PCDH11Y: variants seen among roughly 807,000 people sequenced by gnomAD.
PCDH11Y encodes the protein protocadherin-11 Y-linked.
For synonymous variants in PCDH11Y, 9 were observed against 83.6 expected (o/e 0.11, Z 4.87); for missense variants, 12 against 224.8 (o/e 0.05, Z 6.05).
intron 2 of PCDH11Y, among the ~76,000 whole-genome samples, chrY:5,333,525 G>A (rs2053133268): frequency 1.2e-4 from 4 of 33,346 alleles, no homozygotes; most frequent in East Asian, 1.6e-3. Context: ...ACTCAGAGCC[G>A]GCTGTGTGGG....
chrY:5,481,269 C>T (rs2053325495), intron 2 of PCDH11Y, among the ~76,000 whole-genome samples: 2 of 32,900 alleles, frequency 6.1e-5, no homozygotes, highest in Non-Finnish European at 1.5e-4. Flanking sequence ...CTCATGGCTT[C>T]CCTTGGCTAG....
intron 4 of PCDH11Y, among the ~76,000 whole-genome samples, chrY:5,733,315 T>G: frequency 3.0e-5 from 1 of 33,647 alleles, no homozygotes; most frequent in Non-Finnish European, 7.4e-5. Context: ...TTTCTTTTGT[T>G]TTTTATTTCA....
At chrY:5,460,827 A>T in intron 2 of PCDH11Y, among the ~76,000 whole-genome samples, 1 of 33,496 alleles carries the variant, frequency 3.0e-5, no homozygotes, top group Admixed American at 2.7e-4. Context: ...CTTGACGTTC[A>T]ATAATTCATT....
At chrY:5,603,855 AAAAGAAAGAAAGAAAGAAAG>A (rs377255803) in intron 4 of PCDH11Y, among the ~76,000 whole-genome samples, 69 of 9,106 alleles carry the variant, frequency 7.6e-3, no homozygotes, top group Non-Finnish European at 0.012. Flanking sequence ...GAAAGAAAGA[AAAAGAAAGAAAGAAAGAAAG>A]AAAGAAAGAA....
At chrY:5,604,645 C>A in intron 4 of PCDH11Y, among the ~76,000 whole-genome samples, 1 of 31,770 alleles carries the variant, frequency 3.1e-5, no homozygotes, top group Middle Eastern at 0.014. Flanking sequence ...TTTTTGTACA[C>A]CTCTGCGTAG....
intron 2 of PCDH11Y, among the ~76,000 whole-genome samples, chrY:5,433,466 G>T: frequency 3.0e-5 from 1 of 33,196 alleles, no homozygotes; most frequent in East Asian, 7.9e-4. Flanking sequence ...TTTAATTTTT[G>T]ATTTTTCAAG....
chrY:5,449,871 A>G, intron 2 of PCDH11Y, among the ~76,000 whole-genome samples: 1 of 33,758 alleles, frequency 3.0e-5, no homozygotes, highest in African/African-American at 1.1e-4. Flanking sequence ...TAAAGCTAAG[A>G]CTATACTACA....
At chrY:5,058,551 C>G in intron 1 of PCDH11Y, among the ~76,000 whole-genome samples, 2 of 28,018 alleles carry the variant, frequency 7.1e-5, no homozygotes, top group Non-Finnish European at 1.7e-4. Flanking sequence ...AAGGTTTTGA[C>G]CTGGAGGATA....
At chrY:5,629,734 G>A (rs1602954158) in intron 4 of PCDH11Y, among the ~76,000 whole-genome samples, 2 of 33,751 alleles carry the variant, frequency 5.9e-5, no homozygotes, top group Non-Finnish European at 1.5e-4. Context: ...AAATTATCCC[G>A]AAGAGACCTT....
chrY:5,727,927 C>T, intron 4 of PCDH11Y, among the ~76,000 whole-genome samples: 4 of 32,591 alleles, frequency 1.2e-4, no homozygotes, highest in Non-Finnish European at 2.3e-4. Context: ...TGCTAGTCAA[C>T]ATTACCTGAA....
At chrY:5,267,120 A>G in intron 2 of PCDH11Y, among the ~76,000 whole-genome samples, 1 of 28,166 alleles carries the variant, frequency 3.6e-5, no homozygotes, top group East Asian at 9.4e-4. Context: ...ACATTTAGCT[A>G]TTTATTGGCT....
chrY:5,613,996 A>T, intron 4 of PCDH11Y, among the ~76,000 whole-genome samples: 1 of 19,605 alleles, frequency 5.1e-5, no homozygotes, highest in Non-Finnish European at 1.1e-4. Flanking sequence ...TGAATAGTTC[A>T]CCAGTATTTG....
chrY:5,598,659 T>C, intron 4 of PCDH11Y, among the ~76,000 whole-genome samples: 2 of 33,355 alleles, frequency 6.0e-5, no homozygotes, highest in African/African-American at 1.2e-4. Flanking sequence ...CTTTAAGATA[T>C]AGCCTTGCAT....
At chrY:5,132,566 C>G in intron 2 of PCDH11Y, among the ~76,000 whole-genome samples, 1 of 33,135 alleles carries the variant, frequency 3.0e-5, no homozygotes, top group Non-Finnish European at 7.5e-5. Flanking sequence ...TTCACAAAAA[C>G]AAAAAAGACC....
At chrY:5,338,819 G>A in intron 2 of PCDH11Y, 2 of 256,437 alleles carry the variant, frequency 7.8e-6, no homozygotes, top group Admixed American at 1.5e-4. Context: ...AAAACCATAG[G>A]CATAGATGTC....
chrY:5,046,402 G>A (rs1602848829), intron 3 of PCDH11Y, among the ~76,000 whole-genome samples: 2 of 33,401 alleles, frequency 6.0e-5, no homozygotes, highest in Admixed American at 2.7e-4. Context: ...CTGCTGGGGG[G>A]TGCCTCCCAG....
At chrY:5,296,379 T>G in intron 2 of PCDH11Y, among the ~76,000 whole-genome samples, 1 of 33,499 alleles carries the variant, frequency 3.0e-5, no homozygotes. Flanking sequence ...CTGAGCTGTC[T>G]GCAACTGGGG....
At chrY:5,498,642 C>A in intron 2 of PCDH11Y, among the ~76,000 whole-genome samples, 1 of 33,412 alleles carries the variant, frequency 3.0e-5, no homozygotes, top group Admixed American at 2.8e-4. Context: ...CAGAAGACGA[C>A]CTGAAGCTTT....
intron 4 of PCDH11Y, among the ~76,000 whole-genome samples, chrY:5,722,997 C>T (rs2053596191): frequency 6.3e-5 from 2 of 31,534 alleles, no homozygotes; most frequent in African/African-American, 1.2e-4. Flanking sequence ...ACATATGCAT[C>T]TATATATAAA....
Sources: gnomAD v4.1 joint callset for allele counts (sites outside exome capture counted in the v4.1 genomes callset) on GRCh38, gnomAD v4.1.1 for gene constraint, MANE v1.5 for transcripts, NCBI Gene and HGNC (gene_info 2026-07-23, HGNC 2026-07-21) for gene names.